ABCD3: variants seen among roughly 807,000 people sequenced by gnomAD.
The protein encoded by ABCD3 is ATP binding cassette subfamily D member 3.
Under a neutral mutation model 105.5 loss-of-function variants are expected in ABCD3, and 41 were observed. The observed-to-expected ratio is 0.39, with a 90% CI of 0.30 to 0.50. The LOEUF is 0.50. Ranked by LOEUF, ABCD3 falls within the 20% of genes least tolerant of loss-of-function variation. The pLI, the probability that ABCD3 is intolerant of heterozygous loss-of-function variation, is 0.84. For missense variants in ABCD3, 622 were observed against 806.3 expected (o/e 0.77, Z 2.77); for synonymous variants, 258 against 269.0 (o/e 0.96, Z 0.40).
chr1:94,494,889 G>T (rs761331278), intron 16 of ABCD3, among the ~76,000 whole-genome samples: 1 of 152,074 alleles, frequency 6.6e-6, no homozygotes, highest in Non-Finnish European at 1.5e-5. Flanking sequence ...GGCCAGCCTG[G>T]GCAACATGGC....
At chr1:94,462,464 G>A (rs1216342777) in intron 2 of ABCD3, among the ~76,000 whole-genome samples, 2 of 152,066 alleles carry the variant, frequency 1.3e-5, no homozygotes, top group East Asian at 1.9e-4. Context: ...GTGATCCTTT[G>A]CAGAAAACAA....
chr1:94,490,022 T>A, intron 15 of ABCD3, 47 bp downstream of exon 15: 1 of 1,499,220 alleles, frequency 6.7e-7, no homozygotes. Flanking sequence ...TTTGTTAAAC[T>A]TCATAGTAGT....
At chr1:94,502,517 G>A (rs1650148384) in intron 20 of ABCD3, among the ~76,000 whole-genome samples, 1 of 139,766 alleles carries the variant, frequency 7.2e-6, no homozygotes, top group Non-Finnish European at 1.5e-5. Context: ...TTTTTTTTGA[G>A]ACAGAGTCTC....
chr1:94,461,922 A>G (rs1376305539), intron 2 of ABCD3, among the ~76,000 whole-genome samples: 1 of 152,192 alleles, frequency 6.6e-6, no homozygotes, highest in African/African-American at 2.4e-5. Flanking sequence ...ACTTTTCCCT[A>G]CAATGTATAG....
At chr1:94,443,146 A>G (rs1249435967) in intron 1 of ABCD3, among the ~76,000 whole-genome samples, 6 of 152,246 alleles carry the variant, frequency 3.9e-5, no homozygotes, top group African/African-American at 7.2e-5. Flanking sequence ...TGACTTTTTA[A>G]TAATAGCCAT....
chr1:94,478,539 T>C (rs775864433), intron 8 of ABCD3: 8 of 1,598,796 alleles, frequency 5.0e-6, no homozygotes, highest in Middle Eastern at 1.9e-4. Context: ...TGGAAAAATT[T>C]TGTGGCATTA....
intron 1 of ABCD3, among the ~76,000 whole-genome samples, chr1:94,436,344 G>C (rs561224778): frequency 6.6e-6 from 1 of 152,224 alleles, no homozygotes; most frequent in Admixed American, 6.5e-5. Context: ...AGAGTATCAC[G>C]GAAATATTCA....
intron 15 of ABCD3, 146 bp from the exon 16 acceptor site, chr1:94,491,038 C>T (rs1018524978): frequency 3.2e-6 from 2 of 617,848 alleles, no homozygotes; most frequent in African/African-American, 1.9e-5. Flanking sequence ...TTTCGTATGC[C>T]TGTTGGCCAT....
intron 21 of ABCD3, among the ~76,000 whole-genome samples, chr1:94,511,162 C>T (rs1650650701): frequency 6.6e-6 from 1 of 152,060 alleles, no homozygotes; most frequent in Admixed American, 6.6e-5. Flanking sequence ...GTGCTTCCTT[C>T]AGGAGCTCTT....
Position 94,457,095 on chromosome 1 carries a change from G to A in ABCD3, c.111-1512G>A, listed in dbSNP as rs754144306. 9.9e-5 allele frequency among the ~76,000 whole-genome samples: 15 copies of A among 152,082 alleles called. No individual in the cohort carries two copies. In the South Asian group the frequency reaches 2.1e-3, roughly 21 times the overall value. On this transcript the variant is annotated intron_variant, in intron 1 of 22. Coordinates refer to ENST00000370214, the MANE Select transcript of ABCD3 (RefSeq NM_002858.4). ...TTTGCTCGTTTTTTAAAATTGGATT[G>A]TTGTCTTGCTATTGAGTTGTTTGAG...
At chr1:94,452,912 A>G (rs1415328943) in intron 1 of ABCD3, among the ~76,000 whole-genome samples, 3 of 151,768 alleles carry the variant, frequency 2.0e-5, no homozygotes, top group Non-Finnish European at 4.4e-5. Flanking sequence ...TAATTTTTGT[A>G]TTTTTAATAG....
chr1:94,415,341 G>A (rs1251166352), upstream of ABCD3, among the ~76,000 whole-genome samples: 1 of 152,132 alleles, frequency 6.6e-6, no homozygotes, highest in Non-Finnish European at 1.5e-5. Flanking sequence ...CCTATGCCCT[G>A]CCTACCTGTT....
chr1:94,434,470 A>G (rs957438396), intron 1 of ABCD3, among the ~76,000 whole-genome samples: 1 of 152,200 alleles, frequency 6.6e-6, no homozygotes, highest in Non-Finnish European at 1.5e-5. Context: ...TAATTGTTTT[A>G]TATGACTGGC....
At chr1:94,487,462 T>G in intron 10 of ABCD3, 80 bp from the exon 11 acceptor site, 1 of 1,220,826 alleles carries the variant, frequency 8.2e-7, no homozygotes, top group Non-Finnish European at 1.2e-6. Flanking sequence ...AAATGAACTA[T>G]ACAGTTTGTT....
In ABCD3 at chr1:94,487,766, A is replaced by G. The variant is rs1442859223; in HGVS notation, c.1040A>G (p.Lys347Arg). ...FLDLSHPRHLKSTHSELLEDY... is the reference protein window; with the variant it reads ...FLDLSHPRHLRSTHSELLEDY... ...GATTTGTCTCATCCTCGACATCTCA[A>G]GAGTACACATTCGGAACTTCTAGAG... The change falls in exon 12 of 23, where the codon AAG becomes AGG. Residue 347 changes from lysine to arginine, a missense_variant. Physicochemically the swap from Lys to Arg is conservative, Grantham distance 26. This residue lies in a region of ABCD3 where 245 missense variants were observed against 356.4 expected (regional missense o/e 0.69). Coordinates refer to ENST00000370214, the MANE Select transcript of ABCD3 (RefSeq NM_002858.4). 6.2e-7 allele frequency: 1 copy of G among 1,614,050 alleles called. No individual in the cohort carries two copies. Among genetic ancestry groups the G allele is most frequent in the South Asian group, 1.1e-5 (1 of 91,082 alleles).
intron 9 of ABCD3, chr1:94,482,884 T>G (rs1383029949): frequency 2.6e-6 from 1 of 384,266 alleles, no homozygotes; most frequent in Non-Finnish European, 4.8e-6. Flanking sequence ...TTTCTCTAAT[T>G]TCGAATTTCT....
At chr1:94,418,896 G>A in intron 1 of ABCD3, 1 of 463,726 alleles carries the variant, frequency 2.2e-6, no homozygotes, top group Non-Finnish European at 3.9e-6. Context: ...GGAGGGGGAT[G>A]CGGTGTGTCC....
At chr1:94,387,566 CA>C in the ABCD3 span, among the ~76,000 whole-genome samples, 19 of 152,154 alleles carry the variant, frequency 1.2e-4, no homozygotes, top group African/African-American at 4.3e-4. Flanking sequence ...AACCCTTTCA[CA>C]AACTCAATTT....
chr1:94,392,109 C>T, the ABCD3 span, among the ~76,000 whole-genome samples: 1 of 152,184 alleles, frequency 6.6e-6, no homozygotes, highest in Non-Finnish European at 1.5e-5. Flanking sequence ...TATTCTCCTG[C>T]CTCTGTGGTA....
Sources: gnomAD v4.1 joint callset for allele counts (sites outside exome capture counted in the v4.1 genomes callset) on GRCh38, gnomAD v4.1.1 for gene constraint, gnomAD v4.1.1 regional missense constraint, MANE v1.5 for transcripts, NCBI Gene and HGNC (gene_info 2026-07-23, HGNC 2026-07-21) for gene names.